Variants in UBE2E1 observed in about 807,000 individuals in gnomAD.
UBE2E1 encodes ubiquitin conjugating enzyme E2 E1.
A neutral mutation model predicts 21.4 loss-of-function variants in UBE2E1; 6 were observed. That is an observed-to-expected ratio of 0.28 (90% CI 0.15 to 0.55). UBE2E1 has a LOEUF of 0.55. Ranked by LOEUF, UBE2E1 falls within the 20% of genes least tolerant of loss-of-function variation. The pLI is 0.93. For synonymous variants in UBE2E1, 87 were observed against 82.7 expected, an observed-to-expected ratio of 1.05 and a Z score of -0.28; for missense variants, 142 against 236.5, an observed-to-expected ratio of 0.60 and a Z score of 2.62.
rs781427154 is a variant in UBE2E1 at position 23,807,391 on chromosome 3, A to G, written c.122A>G (p.Asn41Ser). The G allele has an allele frequency of 6.2e-7, 1 of 1,611,146 alleles. No individual in the cohort carries two copies. Among genetic ancestry groups the G allele is most frequent in the Non-Finnish European group, 8.5e-7 (1 of 1,179,052 alleles). Reference protein sequence around the residue: ...KKESKVSMSKNSKLLSTSAKR... With the variant: ...KKESKVSMSKSSKLLSTSAKR... Reference sequence around the variant, plus strand: ...GAGAGTAAAGTCAGCATGAGCAAAAACTCCAAACTCCTCTCCACCAGCGCC... The same window carrying G: ...GAGAGTAAAGTCAGCATGAGCAAAAGCTCCAAACTCCTCTCCACCAGCGCC... Residue 41 changes from asparagine to serine, a missense_variant, in exon 2 of 6, where the codon AAC (asparagine) becomes AGC (serine). Physicochemically the swap from Asn to Ser is conservative, Grantham distance 46. Around this residue, in one of 2 missense-constraint regions of UBE2E1, gnomAD observed 55 missense variants for 51.5 expected, o/e 1.07. Coordinates refer to ENST00000306627, the MANE Select transcript of UBE2E1 (RefSeq NM_003341.5).
At chr3:23,812,583 C>G (rs961566112) in intron 3 of UBE2E1, among the ~76,000 whole-genome samples, 1 of 152,182 alleles carries the variant, frequency 6.6e-6, no homozygotes, top group African/African-American at 2.4e-5. Flanking sequence ...GGATGCTCTT[C>G]CGTGAAACTT....
chr3:23,887,866 T>G lies in UBE2E1; in HGVS notation c.336+167T>G. On this transcript the variant is annotated intron_variant, in intron 4 of 5. Transcript: ENST00000306627. This position sits in a 1 kb window ranked among gnomAD's most constrained non-coding sequence, Gnocchi z 4.4. ...ACACTTCTTTAGGTTGATTTTGCCT[T>G]ATCTGGCAGAGACCATTCTAGGATT... 1.1e-6 allele frequency: 1 copy of G among 929,896 alleles called. No homozygotes were observed. Among genetic ancestry groups the G allele is most frequent in the Non-Finnish European group, 1.5e-6 (1 of 648,486 alleles). The allele number at this position is 929,896 out of a possible 1,614,324, so 57.6% of individuals were successfully genotyped here.
Position 23,810,445 on chromosome 3 carries a change from T to C in UBE2E1, c.153-1015T>C. The C allele has an allele frequency of 6.5e-7, 1 of 1,535,488 alleles. No individual in the cohort carries two copies. The highest frequency in any genetic ancestry group is 1.2e-5 in the South Asian group (1 of 84,056). ...GAGGGAGAAAACTGCAGGTCTCCAG[T>C]CTATCCCCAGTGTGAGCTAGAGAGC... On this transcript the variant is annotated intron_variant, in intron 2 of 5. Transcript: ENST00000306627. This position sits in a 1 kb window ranked among gnomAD's most constrained non-coding sequence, Gnocchi z 5.8.
chr3:23,871,077 C>G (rs953314461), intron 3 of UBE2E1, among the ~76,000 whole-genome samples: 1 of 151,864 alleles, frequency 6.6e-6, no homozygotes, highest in Non-Finnish European at 1.5e-5. Context: ...ATGTCTACCT[C>G]TTTCTACACA....
At chr3:23,811,560 G>T (rs1185437612) in intron 3 of UBE2E1, 50 bp downstream of exon 3, 1 of 1,561,416 alleles carries the variant, frequency 6.4e-7, no homozygotes. Context: ...TCTAACCTTT[G>T]TCTTGGGTTT....
intron 3 of UBE2E1, among the ~76,000 whole-genome samples, chr3:23,855,304 T>A (rs937045612): frequency 2.6e-5 from 4 of 152,236 alleles, no homozygotes; most frequent in Non-Finnish European, 5.9e-5. Flanking sequence ...TTAGTACATC[T>A]TGATACGTTA....
chr3:23,835,284 G>A (rs534364779), intron 3 of UBE2E1, among the ~76,000 whole-genome samples: 97 of 152,286 alleles, frequency 6.4e-4, no homozygotes, highest in African/African-American at 2.3e-3. Context: ...AGCCTGGGCA[G>A]TATAGCAAGA....
At position 23,891,247 on chromosome 3, in the gene UBE2E1, T is replaced by A. The variant is rs1409388343; in HGVS notation, c.*641T>A. 1 of 152,278 alleles carries A rather than the reference T, an allele frequency of 6.6e-6. No homozygotes were observed. Among genetic ancestry groups the A allele is most frequent in the Non-Finnish European group, 1.5e-5 (1 of 68,046 alleles). 9.4% of individuals were successfully genotyped at this position (152,278 alleles called of 1,614,324 possible). On this transcript the variant is annotated 3_prime_UTR_variant, in exon 6 of 6. Coordinates refer to ENST00000306627, the MANE Select transcript of UBE2E1 (RefSeq NM_003341.5). ...GGAGTTGCTCAGTGGATTGGTTCTA[T>A]GTTGTGGACTACTTAAGTCTGCATT...
At position 23,853,251 on chromosome 3, in the gene UBE2E1, A is replaced by G. The variant is rs1474341984; in HGVS notation, c.204-34316A>G. ...GCTACAACTTCCAGTAAAATATTGA[A>G]TAGAAGTAGTAAGGGTATCAAGTTC... On this transcript the variant is annotated intron_variant, in intron 3 of 5. Coordinates refer to ENST00000306627, the MANE Select transcript of UBE2E1 (RefSeq NM_003341.5). The surrounding 1 kb of genome is among the most constrained non-coding windows in gnomAD (Gnocchi z 4.1). Among the ~76,000 whole-genome samples, 1 of 152,214 alleles carries G rather than the reference A, an allele frequency of 6.6e-6. No individual in the cohort carries two copies. Among genetic ancestry groups the G allele is most frequent in the Non-Finnish European group, 1.5e-5 (1 of 68,038 alleles).
chr3:23,832,562 T>C (rs1464849418), intron 3 of UBE2E1, among the ~76,000 whole-genome samples: 1 of 152,104 alleles, frequency 6.6e-6, no homozygotes, highest in East Asian at 1.9e-4. Context: ...GGAGAATCGC[T>C]TGAACCCGGG....
At chr3:23,858,313 TGAA>T (rs1254833854) in intron 3 of UBE2E1, among the ~76,000 whole-genome samples, 1 of 152,150 alleles carries the variant, frequency 6.6e-6, no homozygotes, top group Non-Finnish European at 1.5e-5. Flanking sequence ...TCACAAAATA[TGAA>T]GAAGTTTATT....
In UBE2E1 at chr3:23,876,959, A is replaced by C. The variant is rs1700928056; in HGVS notation, c.204-10608A>C. ...CTCAGGAGGCTGAGATGGAAGGATC[A>C]CTTGAGCCAGCTGTGATTGAGCCAC... On this transcript the variant is annotated intron_variant, in intron 3 of 5. Coordinates refer to ENST00000306627, the MANE Select transcript of UBE2E1 (RefSeq NM_003341.5). This position sits in a 1 kb window ranked among gnomAD's most constrained non-coding sequence, Gnocchi z 4.3. 6.6e-6 allele frequency among the ~76,000 whole-genome samples: 1 copy of C among 152,202 alleles called. No homozygotes were observed. Among genetic ancestry groups the C allele is most frequent in the Non-Finnish European group, 1.5e-5 (1 of 68,036 alleles).
intron 3 of UBE2E1, among the ~76,000 whole-genome samples, chr3:23,865,401 C>T (rs1305723251): frequency 6.6e-6 from 1 of 152,180 alleles, no homozygotes; most frequent in Non-Finnish European, 1.5e-5. Context: ...TCACCTAGGC[C>T]GGAGTGCAGT....
At chr3:23,825,842 G>A (rs1054314248) in intron 3 of UBE2E1, among the ~76,000 whole-genome samples, 47 of 152,068 alleles carry the variant, frequency 3.1e-4, no homozygotes, top group Non-Finnish European at 5.7e-4. Context: ...AGTGAAATAC[G>A]AGGTATTTGG....
At chr3:23,889,731 T>C in intron 5 of UBE2E1, 3 of 985,382 alleles carry the variant, frequency 3.0e-6, no homozygotes, top group Non-Finnish European at 3.6e-6. Context: ...ATTGTGACTT[T>C]TTTGGGACTT....
In UBE2E1 at chr3:23,842,528, C is replaced by G. The variant is rs190044182; in HGVS notation, c.203+31018C>G. On this transcript the variant is annotated intron_variant, in intron 3 of 5. Coordinates refer to ENST00000306627, the MANE Select transcript of UBE2E1 (RefSeq NM_003341.5). The surrounding 1 kb of genome is among the most constrained non-coding windows in gnomAD (Gnocchi z 4.6). ...ATCATTTGCTATAAATATCACTAAA[C>G]TTTGTCATCCTAAGTGAGATAATAA... Among the ~76,000 whole-genome samples, 10 of 152,164 alleles carry G rather than the reference C, an allele frequency of 6.6e-5. No individual in the cohort carries two copies. The highest frequency in any genetic ancestry group is 6.5e-4 in the Admixed American group (10 of 15,284).
At chr3:23,809,225 T>C (rs1699337286) in intron 2 of UBE2E1, among the ~76,000 whole-genome samples, 1 of 152,156 alleles carries the variant, frequency 6.6e-6, no homozygotes, top group South Asian at 2.1e-4. Flanking sequence ...TAGCTATTAG[T>C]GTTAAAGCAG....
chr3:23,865,767 C>T (rs1054189028), intron 3 of UBE2E1, among the ~76,000 whole-genome samples: 2 of 152,214 alleles, frequency 1.3e-5, no homozygotes, highest in Admixed American at 6.5e-5. Context: ...CATGAAGTAG[C>T]ATATGACTCT....
Position 23,887,525 on chromosome 3 carries a change from A to G in UBE2E1, c.204-42A>G. On this transcript the variant is annotated intron_variant, in intron 3 of 5. Coordinates refer to ENST00000306627, the MANE Select transcript of UBE2E1 (RefSeq NM_003341.5). This position sits in a 1 kb window ranked among gnomAD's most constrained non-coding sequence, Gnocchi z 4.4. ...CTTTTAATACACTGTAAAAATTGGG[A>G]TAGTGCCACCATCTGCTTATTTGTT... 6.3e-7 allele frequency: 1 copy of G among 1,579,196 alleles called. No homozygotes were observed. The highest frequency in any genetic ancestry group is 1.4e-5 in the African/African-American group (1 of 73,338).
Sources: allele counts gnomAD v4.1 joint callset (sites outside exome capture counted in the v4.1 genomes callset), GRCh38; gene constraint gnomAD v4.1.1; regional missense constraint gnomAD v4.1.1; non-coding constraint Gnocchi (gnomAD v3.1); transcripts MANE v1.5; gene names NCBI Gene and HGNC (gene_info 2026-07-23, HGNC 2026-07-21).